ALDH5A1: variants seen among roughly 807,000 people sequenced by gnomAD.
The protein encoded by ALDH5A1 is succinate-semialdehyde dehydrogenase, mitochondrial.
Under a neutral mutation model 54.7 loss-of-function variants are expected in ALDH5A1, and 33 were observed. The observed-to-expected ratio is 0.60, with a 90% confidence interval of 0.46 to 0.81. The LOEUF is 0.81. Ranked by LOEUF, ALDH5A1 falls within the 30% of genes least tolerant of loss-of-function variation. The pLI, the probability that ALDH5A1 is intolerant of heterozygous loss-of-function variation, is 0.00. For missense variants in ALDH5A1, 657 were observed against 711.0 expected (o/e 0.92, Z 0.86); for synonymous variants, 294 against 292.7 (o/e 1.00, Z -0.05).
intron 7 of ALDH5A1, among the ~76,000 whole-genome samples, chr6:24,526,875 TCTA>T (rs1452377976): frequency 9.7e-6 from 1 of 103,126 alleles, no homozygotes; most frequent in Non-Finnish European, 1.9e-5. Flanking sequence ...ATATATATCT[TCTA>T]TATATATATT....
intron 5 of ALDH5A1, among the ~76,000 whole-genome samples, chr6:24,519,927 CT>C (rs1759645647): frequency 6.6e-6 from 1 of 152,010 alleles, no homozygotes; most frequent in South Asian, 2.1e-4. Flanking sequence ...TAGATAAACA[CT>C]TACTTATATG....
chr6:24,533,714 ATTC>A lies in ALDH5A1; in HGVS notation c.*5_*7del, dbSNP rs563897894. The A allele has an allele frequency of 1.5e-5, 24 of 1,613,822 alleles. No homozygotes were observed. In the South Asian group the frequency reaches 2.4e-4, roughly 16 times the overall value. ...TATGTGTGTTACGGGGGCTTGTAGGATTCTTTGGTTCTTTAAAAAAATTTAAAA... is the reference window on the plus strand; with the variant it reads ...TATGTGTGTTACGGGGGCTTGTAGGATTTGGTTCTTTAAAAAAATTTAAAA... On this transcript the variant is annotated 3_prime_UTR_variant, in exon 10 of 10. Transcript: ENST00000357578.
At position 24,495,230 on chromosome 6, in the gene ALDH5A1, G is replaced by A; in HGVS notation, c.234G>A (p.Val78=). 1.3e-6 allele frequency: 2 copies of A among 1,522,070 alleles called. No homozygotes were observed. The highest frequency in any genetic ancestry group is 1.2e-5 in the South Asian group (1 of 83,074). 94.3% of individuals were successfully genotyped at this position (1,522,070 alleles called of 1,614,324 possible). A position where few individuals can be genotyped will look rare whatever the true frequency, so the allele number is the denominator to read the frequency against. ...RWLPAAATFP[V]QDPASGAALG... The stretch of plus-strand genomic sequence containing the variant: ...TCCCGGCCGCCGCCACCTTCCCCGT[G>A]CAAGACCCGGCCAGCGGCGCCGCTC... Residue 78 remains valine, a synonymous_variant, in exon 1 of 10, where the codon GTG becomes GTA. Coordinates refer to ENST00000357578, the MANE Select transcript of ALDH5A1 (RefSeq NM_001080.3).
At chr6:24,503,526 C>A in intron 3 of ALDH5A1, 93 bp downstream of exon 3, 1 of 1,455,230 alleles carries the variant, frequency 6.9e-7, no homozygotes, top group Non-Finnish European at 9.4e-7. Context: ...TGTGCTCATC[C>A]TGTTAGTTTT....
In ALDH5A1 at chr6:24,495,088, T is replaced by C. The variant is rs1764662233; in HGVS notation, c.92T>C (p.Leu31Pro). The change falls in exon 1 of 10, where the codon CTG (leucine) becomes CCG (proline). Residue 31 changes from leucine to proline, a missense_variant. Around this residue, in one of 2 missense-constraint regions of ALDH5A1, gnomAD observed 232 missense variants for 194.6 expected, o/e 1.19. Coordinates refer to ENST00000357578, the MANE Select transcript of ALDH5A1 (RefSeq NM_001080.3). ...GCRLRPRAGG[L>P]VPASGPAPGP... ...CGCCTCCGCCCCCGCGCCGGCGGCC[T>C]GGTCCCTGCCTCCGGGCCTGCGCCC... 3 of 1,322,696 alleles carry C rather than the reference T, an allele frequency of 2.3e-6. No individual in the cohort carries two copies. Among genetic ancestry groups the C allele is most frequent in the South Asian group, 4.4e-5 (2 of 45,194 alleles). 81.9% of individuals were successfully genotyped at this position (1,322,696 alleles called of 1,614,324 possible). A position where few individuals can be genotyped will look rare whatever the true frequency, so the allele number is the denominator to read the frequency against.
At chr6:24,529,526 G>T (rs1293279214) in intron 8 of ALDH5A1, among the ~76,000 whole-genome samples, 1 of 151,954 alleles carries the variant, frequency 6.6e-6, no homozygotes, top group Non-Finnish European at 1.5e-5. Context: ...TTCTTTGAAA[G>T]AAATCTATTT....
intron 8 of ALDH5A1, chr6:24,531,872 A>G (rs1759943399): frequency 3.7e-6 from 2 of 546,148 alleles, no homozygotes; most frequent in South Asian, 4.2e-5. Context: ...AGTTCCCTAC[A>G]TGTTGGTCTG....
chr6:24,526,964 A>ATGTG (rs1182158053), intron 7 of ALDH5A1, among the ~76,000 whole-genome samples: 1 of 16,760 alleles, frequency 6.0e-5, no homozygotes, highest in East Asian at 7.7e-4. Flanking sequence ...ATATATATAT[A>ATGTG]TGTGTGTGTG....
Position 24,503,337 on chromosome 6 carries a change from C to G in ALDH5A1, c.513C>G (p.Ala171=). The G allele has an allele frequency of 6.2e-7, 1 of 1,614,052 alleles. No homozygotes were observed. Among genetic ancestry groups the G allele is most frequent in the Non-Finnish European group, 8.5e-7 (1 of 1,180,030 alleles). The part of the protein sequence containing the change: ...AFFLEWFSEE[A]RRVYGDIIHT... ...TCCTAGAGTGGTTCTCTGAGGAAGCCCGCCGTGTTTACGGAGACATTATCC... is the reference window on the plus strand; with the variant it reads ...TCCTAGAGTGGTTCTCTGAGGAAGCGCGCCGTGTTTACGGAGACATTATCC... The change falls in exon 3 of 10, where the codon GCC becomes GCG. Residue 171 remains alanine, a synonymous_variant. Transcript: ENST00000357578.
chr6:24,497,623 C>T (rs1328761538), intron 1 of ALDH5A1, among the ~76,000 whole-genome samples: 4 of 152,208 alleles, frequency 2.6e-5, no homozygotes, highest in Non-Finnish European at 4.4e-5. Context: ...GGCTTCACCT[C>T]TCATAAGGAC....
In ALDH5A1 at chr6:24,515,324, G is replaced by A. The variant is rs375583348; in HGVS notation, c.870+14G>A. ...ACTACAGGAAAGGTATGTGACTCAA[G>A]TTTCAAAGAAAACAAATGTCTTTCT... On this transcript the variant is annotated intron_variant, in intron 5 of 9. Transcript: ENST00000357578. 1.1e-4 allele frequency: 171 copies of A among 1,613,046 alleles called. 3 individuals carry two copies. Among genetic ancestry groups the A allele is most frequent in the South Asian group, 9.8e-4 (89 of 91,054 alleles).
At chr6:24,513,224 TAATTTTGTTTTTTATTTTTTC>T (rs1759494889) in intron 4 of ALDH5A1, among the ~76,000 whole-genome samples, 1 of 152,038 alleles carries the variant, frequency 6.6e-6, no homozygotes, top group African/African-American at 2.4e-5. Context: ...CATACCCAGC[TAATTTTGTTTTTTATTTTTTC>T]GTAGAGATAG....
rs1440288677 is a variant in ALDH5A1 at position 24,495,319 on chromosome 6, C to T, written c.323C>T (p.Ala108Val). 11 of 1,532,988 alleles carry T rather than the reference C, an allele frequency of 7.2e-6. No homozygotes were observed. Among genetic ancestry groups the T allele is most frequent in the African/African-American group, 1.4e-5 (1 of 72,914 alleles). 95.0% of individuals were successfully genotyped at this position (1,532,988 alleles called of 1,614,324 possible). A position where few individuals can be genotyped will look rare whatever the true frequency, so the allele number is the denominator to read the frequency against. The change falls in exon 1 of 10, where the codon GCT (alanine) becomes GTT (valine). Residue 108 changes from alanine to valine, a missense_variant. Transcript: ENST00000357578. ...ARAAVRAAYE[A>V]FCRWREVSAK... is the part of the protein sequence containing the mutation. ...GCCGCCGTGCGCGCTGCCTACGAGG[C>T]TTTCTGCCGCTGGAGGGAGGTCTCC...
intron 5 of ALDH5A1, among the ~76,000 whole-genome samples, chr6:24,519,759 T>TG (rs1241730377): frequency 2.6e-5 from 4 of 151,748 alleles, no homozygotes; most frequent in African/African-American, 9.7e-5. Context: ...CATCCTGTTT[T>TG]TTTTTTTTTA....
At chr6:24,525,539 A>G (rs1019403227) in intron 7 of ALDH5A1, among the ~76,000 whole-genome samples, 1 of 151,906 alleles carries the variant, frequency 6.6e-6, no homozygotes, top group Non-Finnish European at 1.5e-5. Context: ...CTCTAAAAAA[A>G]AAAAAAAAGA....
At chr6:24,499,663 CT>C (rs201732598) in intron 1 of ALDH5A1, among the ~76,000 whole-genome samples, 1 of 124,930 alleles carries the variant, frequency 8.0e-6, no homozygotes, top group Non-Finnish European at 1.7e-5. Context: ...CAGATAATTT[CT>C]TTTCTTTTTT....
chr6:24,536,199 G>C lies in ALDH5A1; in HGVS notation c.*2487G>C, dbSNP rs557006046. 6.6e-6 allele frequency: 1 copy of C among 152,248 alleles called. No individual in the cohort carries two copies. Among genetic ancestry groups the C allele is most frequent in the South Asian group, 2.1e-4 (1 of 4,812 alleles). 9.4% of individuals were successfully genotyped at this position (152,248 alleles called of 1,614,324 possible). ...GACTAGAAAAGGACCATTAGATCAG[G>C]GGTTGGCAAACTATGGCCCACGAAT... On this transcript the variant is annotated 3_prime_UTR_variant, in exon 10 of 10. Coordinates refer to ENST00000357578, the MANE Select transcript of ALDH5A1 (RefSeq NM_001080.3).
In ALDH5A1 at chr6:24,506,243, C is replaced by CTTTTTTTTTTTTTTTTTTT. The variant is rs70974913; in HGVS notation, c.726+1270_726+1288dup. Among the ~76,000 whole-genome samples the CTTTTTTTTTTTTTTTTTTT allele has an allele frequency of 1.4e-3, 75 of 52,158 alleles. 22 individuals are homozygous for CTTTTTTTTTTTTTTTTTTT. Among genetic ancestry groups the CTTTTTTTTTTTTTTTTTTT allele is most frequent in the Non-Finnish European group, 2.1e-3 (61 of 29,132 alleles). The allele number at this position is 52,158 out of a possible 152,430, so 34.2% of individuals were successfully genotyped here. On this transcript the variant is annotated intron_variant, in intron 4 of 9. Coordinates refer to ENST00000357578, the MANE Select transcript of ALDH5A1 (RefSeq NM_001080.3). ...TCTGCACCTCCTTCTTTCCTGGTTC[C>CTTTTTTTTTTTTTTTTTTT]TTTTTTTTTTTTTTTTTTTTTTTTT...
chr6:24,519,242 A>G (rs1009004805), intron 5 of ALDH5A1, among the ~76,000 whole-genome samples: 3 of 152,164 alleles, frequency 2.0e-5, no homozygotes, highest in African/African-American at 7.2e-5. Flanking sequence ...CAGAAGAGCC[A>G]TGCAGTGGAA....
Sources: gnomAD v4.1 joint callset for allele counts (sites outside exome capture counted in the v4.1 genomes callset) on GRCh38, gnomAD v4.1.1 for gene constraint, gnomAD v4.1.1 regional missense constraint, MANE v1.5 for transcripts, NCBI Gene and HGNC (gene_info 2026-07-23, HGNC 2026-07-21) for gene names.